The following VSTM4 variants were observed in gnomAD, a reference collection of about 807,000 sequenced individuals.
VSTM4 encodes V-set and transmembrane domain-containing protein 4.
In VSTM4, 20 loss-of-function variants were observed where a neutral mutation model predicts 36.4. The ratio of observed to expected loss-of-function variants is 0.55; its 90% confidence interval spans 0.39 to 0.80. The LOEUF is 0.80. Ranked by LOEUF, VSTM4 falls within the 30% of genes least tolerant of loss-of-function variation. The pLI, the probability that VSTM4 is intolerant of heterozygous loss-of-function variation, is 0.00. For missense variants in VSTM4, 392 were observed against 404.5 expected (o/e 0.97, Z 0.26); for synonymous variants, 182 against 173.9 (o/e 1.05, Z -0.37).
intron 7 of VSTM4, among the ~76,000 whole-genome samples, chr10:49,038,416 GA>G (rs1162809397): frequency 1.3e-5 from 2 of 152,192 alleles, no homozygotes; most frequent in African/African-American, 4.8e-5. Context: ...CAAATTCATT[GA>G]GACAGAAAGT....
chr10:49,103,538 C>A, intron 2 of VSTM4: 1 of 1,310,688 alleles, frequency 7.6e-7, no homozygotes, highest in Admixed American at 3.6e-5. Flanking sequence ...TAGAAAACAA[C>A]CAACATATGG....
intron 1 of VSTM4, among the ~76,000 whole-genome samples, chr10:49,110,953 G>A (rs1343346213): frequency 6.6e-6 from 1 of 152,342 alleles, no homozygotes; most frequent in East Asian, 1.9e-4. Context: ...AGCACCAGGA[G>A]GTGGGTGGTG....
At chr10:49,071,000 T>G (rs951818307) in intron 4 of VSTM4, among the ~76,000 whole-genome samples, 2 of 152,222 alleles carry the variant, frequency 1.3e-5, no homozygotes, top group African/African-American at 4.8e-5. Flanking sequence ...CTCCCTTTTC[T>G]TGCATCTCTC....
rs542956537 is a variant in VSTM4, at chr10:49,016,217, C to G, written c.*3433G>C. On this transcript the variant is annotated 3_prime_UTR_variant, in exon 8 of 8. Coordinates refer to ENST00000332853, the MANE Select transcript of VSTM4 (RefSeq NM_001031746.5). ...TCTTTATGCAACCTGACTGGCTTGA[C>G]CAAAACCAGGATTTAAACAGCAGAG... is the stretch of plus-strand genomic sequence containing the variant. The G allele has an allele frequency of 6.6e-6, 1 of 152,268 alleles. No homozygotes were observed. The highest frequency in any genetic ancestry group is 2.4e-5 in the African/African-American group (1 of 41,548). 9.4% of individuals were successfully genotyped at this position (152,268 alleles called of 1,614,324 possible). A position where few individuals can be genotyped will look rare whatever the true frequency, so the allele number is the denominator to read the frequency against.
At chr10:49,038,167 C>T (rs1349529284) in intron 7 of VSTM4, among the ~76,000 whole-genome samples, 1 of 152,152 alleles carries the variant, frequency 6.6e-6, no homozygotes, top group Non-Finnish European at 1.5e-5. Context: ...ACCATGGTCA[C>T]GTCAGCATTA....
chr10:49,093,026 T>C (rs1213628356), intron 2 of VSTM4, among the ~76,000 whole-genome samples: 1 of 152,088 alleles, frequency 6.6e-6, no homozygotes, highest in African/African-American at 2.4e-5. Flanking sequence ...TGGGAGCTAC[T>C]TGTACTCAAT....
Position 49,032,872 on chromosome 10 carries a change from C to CAGAG in VSTM4, c.838-13101_838-13098dup, listed in dbSNP as rs137995320. Among the ~76,000 whole-genome samples, 39 of 145,070 alleles carry CAGAG rather than the reference C, an allele frequency of 2.7e-4. 1 individual carries two copies. The highest frequency in any genetic ancestry group is 4.4e-4 in the South Asian group (2 of 4,522). On this transcript the variant is annotated intron_variant, in intron 7 of 7. Transcript: ENST00000332853. ...AGATCAATAGAGAGAGAGAGAAAGA[C>CAGAG]AGAGAGAGAGAGAGAGAGAGGATAT...
At chr10:49,092,918 C>T (rs776030544) in intron 2 of VSTM4, among the ~76,000 whole-genome samples, 5 of 152,128 alleles carry the variant, frequency 3.3e-5, no homozygotes, top group Non-Finnish European at 5.9e-5. Context: ...GGACCAGGCA[C>T]CAGGCAGAGT....
intron 7 of VSTM4, among the ~76,000 whole-genome samples, chr10:49,036,949 G>A (rs1405567631): frequency 3.9e-5 from 6 of 152,200 alleles, no homozygotes; most frequent in Admixed American, 3.9e-4. Flanking sequence ...GAGGCTTACT[G>A]TGGACTGTAA....
At chr10:49,070,675 AG>A (rs1332929325) in intron 4 of VSTM4, among the ~76,000 whole-genome samples, 3 of 152,240 alleles carry the variant, frequency 2.0e-5, no homozygotes, top group Non-Finnish European at 4.4e-5. Flanking sequence ...GGAGTTCAGA[AG>A]ACCCACTTTA....
At chr10:49,089,361 CA>C (rs1262888133) in intron 2 of VSTM4, among the ~76,000 whole-genome samples, 1 of 152,114 alleles carries the variant, frequency 6.6e-6, no homozygotes, top group East Asian at 1.9e-4. Context: ...TCCTTTGCCT[CA>C]GGGGGTGACT....
At chr10:49,076,187 A>G (rs1327866745) in intron 4 of VSTM4, among the ~76,000 whole-genome samples, 2 of 152,190 alleles carry the variant, frequency 1.3e-5, no homozygotes, top group African/African-American at 2.4e-5. Flanking sequence ...TGACCACTGA[A>G]TCTAATATTT....
In VSTM4 at chr10:49,112,571, GA is replaced by G. The variant is rs1488796838; in HGVS notation, c.55+2859del. The stretch of plus-strand genomic sequence containing the variant: ...TACAGATAGAGTTTGCATGCCCTGA[GA>G]CTGGGGAGGTGGGAGCAATAGAAAG... On this transcript the variant is annotated intron_variant, in intron 1 of 7. Transcript: ENST00000332853. 2.0e-5 allele frequency among the ~76,000 whole-genome samples: 3 copies of G among 152,252 alleles called. No homozygotes were observed. In the East Asian group the frequency reaches 5.8e-4, roughly 29 times the overall value.
intron 7 of VSTM4, among the ~76,000 whole-genome samples, chr10:49,032,059 C>A (rs537394271): frequency 6.6e-6 from 1 of 152,310 alleles, no homozygotes; most frequent in East Asian, 1.9e-4. Context: ...CCCCAGCTCC[C>A]CTTGCCCTGT....
intron 2 of VSTM4, among the ~76,000 whole-genome samples, chr10:49,104,085 G>A (rs1158037677): frequency 2.6e-5 from 4 of 152,138 alleles, no homozygotes; most frequent in Non-Finnish European, 5.9e-5. Flanking sequence ...GATCACCTGA[G>A]GTCACAAGTT....
At chr10:49,063,996 C>T (rs1843926954) in intron 5 of VSTM4, among the ~76,000 whole-genome samples, 1 of 152,202 alleles carries the variant, frequency 6.6e-6, no homozygotes, top group Admixed American at 6.5e-5. Flanking sequence ...TGAATGTTTT[C>T]TGTTGCTAGA....
intron 1 of VSTM4, among the ~76,000 whole-genome samples, chr10:49,110,876 C>A (rs1490276861): frequency 6.6e-6 from 1 of 152,196 alleles, no homozygotes; most frequent in Non-Finnish European, 1.5e-5. Flanking sequence ...TCTGTTATGA[C>A]AGCGTAAGCA....
intron 1 of VSTM4, among the ~76,000 whole-genome samples, chr10:49,108,329 T>A (rs866372914): frequency 1.3e-5 from 2 of 152,348 alleles, no homozygotes; most frequent in Middle Eastern, 3.4e-3. Context: ...TTTTGGAATT[T>A]CTTAAAAATG....
intron 2 of VSTM4, among the ~76,000 whole-genome samples, chr10:49,098,998 A>C (rs1171167995): frequency 1.3e-5 from 2 of 152,320 alleles, no homozygotes; most frequent in Middle Eastern, 3.4e-3. Context: ...AACCTTCCTC[A>C]ATAGAATGGA....
Sources: allele counts gnomAD v4.1 joint callset (sites outside exome capture counted in the v4.1 genomes callset), GRCh38; gene constraint gnomAD v4.1.1; transcripts MANE v1.5; gene names NCBI Gene and HGNC (gene_info 2026-07-23, HGNC 2026-07-21).